TBC1D10C: variants seen among roughly 807,000 people sequenced by gnomAD.
TBC1D10C encodes TBC1 domain family member 10C, also known as carabin.
TBC1D10C carries 49 observed loss-of-function variants against 51.0 expected under a neutral mutation model. The ratio of observed to expected loss-of-function variants is 0.96; its 90% CI spans 0.76 to 1.22. The LOEUF (loss-of-function observed/expected upper bound fraction) is 1.22, where lower values mean the gene tolerates loss of function less well. TBC1D10C is among the 50% of genes most tolerant of loss of function. TBC1D10C has a pLI of 0.00. For missense variants in TBC1D10C, 541 were observed against 617.5 expected, an observed-to-expected ratio of 0.88 and a Z score of 1.31; for synonymous variants, 281 against 266.7, an observed-to-expected ratio of 1.05 and a Z score of -0.52.
At chr11:67,404,870 C>T (rs1863077286) in intron 1 of TBC1D10C, 1 of 556,710 alleles carries the variant, frequency 1.8e-6, no homozygotes, top group East Asian at 2.9e-5. Flanking sequence ...CACCCACTCA[C>T]CCCTTCAGTC....
At position 67,406,046 on chromosome 11, in the gene TBC1D10C, C is replaced by T. The variant is rs746389660; in HGVS notation, c.582+29C>T. On this transcript the variant is annotated intron_variant, in intron 5 of 8. Transcript: ENST00000542590. ...AGTGACCTTGACCCTGCTCTGGGAA[C>T]CCTAGTGACCTAGGCCCAGGGAACC... The T allele has an allele frequency of 4.7e-6, 7 of 1,504,446 alleles. No homozygotes were observed. The South Asian group carries it at 7.7e-5, about 16-fold the overall frequency. 93.2% of individuals were successfully genotyped at this position (1,504,446 alleles called of 1,614,324 possible).
At position 67,409,452 on chromosome 11, in the gene TBC1D10C, A is replaced by G; in HGVS notation, c.1039A>G (p.Lys347Glu). The change falls in exon 9 of 9, where the codon AAG becomes GAG. Residue 347 changes from lysine to glutamate, a missense_variant. Physicochemically the swap from Lys to Glu is moderately conservative, Grantham distance 56. Transcript: ENST00000542590. The part of the protein sequence containing the change: ...LSERDLQREI[K>E]AQLAQLPDSA... ...AGAGCGGGACCTGCAGCGGGAGATC[A>G]AGGCCCAGCTGGCCCAGCTGCCCGA... 6.5e-7 allele frequency: 1 copy of G among 1,549,254 alleles called. No individual in the cohort carries two copies. The highest frequency in any genetic ancestry group is 8.7e-7 in the Non-Finnish European group (1 of 1,146,596).
intron 4 of TBC1D10C, 28 bp downstream of exon 4, chr11:67,405,729 C>A (rs753834490): frequency 6.2e-7 from 1 of 1,611,290 alleles, no homozygotes; most frequent in Non-Finnish European, 8.5e-7. Flanking sequence ...CCCAGGGACC[C>A]CCAGCCCCAC....
intron 4 of TBC1D10C, 56 bp downstream of exon 4, chr11:67,405,757 G>T: frequency 6.2e-7 from 1 of 1,600,154 alleles, no homozygotes; most frequent in South Asian, 1.1e-5. Context: ...AGGTGCTCCA[G>T]CCCACTTTCC....
At chr11:67,404,980 C>G in intron 1 of TBC1D10C, 105 bp from the exon 2 acceptor site, 1 of 1,035,200 alleles carries the variant, frequency 9.7e-7, no homozygotes, top group Non-Finnish European at 1.4e-6. Flanking sequence ...TCCCAGAGAT[C>G]CCTAGGGCCA....
chr11:67,407,259 T>G lies in TBC1D10C; in HGVS notation c.838+243T>G, dbSNP rs918862498. The G allele has an allele frequency of 3.8e-5, 20 of 521,586 alleles. No homozygotes were observed. The Admixed American group carries it at 5.3e-4, about 14-fold the overall frequency. 32.3% of individuals were successfully genotyped at this position (521,586 alleles called of 1,614,324 possible). On this transcript the variant is annotated intron_variant, in intron 7 of 8. Coordinates refer to ENST00000542590, the MANE Select transcript of TBC1D10C (RefSeq NM_001369496.1). ...GCAGGAGCAGGGTGATCACAGCACA[T>G]GGAGGCCTGAGCTTCTCAGGGACAG...
At chr11:67,406,714 T>C in intron 6 of TBC1D10C, 22 bp downstream of exon 6, 2 of 1,577,186 alleles carry the variant, frequency 1.3e-6, no homozygotes, top group Non-Finnish European at 1.7e-6. Flanking sequence ...ACATGGGGGC[T>C]GGAGGAAGGA....
At chr11:67,405,552 C>G in intron 3 of TBC1D10C, 43 bp from the exon 4 acceptor site, 1 of 1,613,700 alleles carries the variant, frequency 6.2e-7, no homozygotes, top group Non-Finnish European at 8.5e-7. Context: ...CAGAGCCCCT[C>G]ACCACACTGA....
chr11:67,405,459 T>C lies in TBC1D10C; in HGVS notation c.313T>C (p.Leu105=), dbSNP rs1335557805. ...CCTGCGCGCCCGATGCTGGCCCCTG[T>C]TGTGTGGGGCCCATGTGTGCCAGAA... ...SALRARCWPL[L]CGAHVCQKNS... is the part of the protein sequence containing the mutation. The change falls in exon 3 of 9, where the codon TTG becomes CTG. Residue 105 remains leucine, a synonymous_variant. Transcript: ENST00000542590. The C allele has an allele frequency of 6.2e-7, 1 of 1,613,228 alleles. No individual in the cohort carries two copies. The highest frequency in any genetic ancestry group is 1.1e-5 in the South Asian group (1 of 91,058).
At position 67,409,914 on chromosome 11, in the gene TBC1D10C, T is replaced by A; in HGVS notation, c.*160T>A. The A allele has an allele frequency of 1.5e-6, 1 of 649,512 alleles. No individual in the cohort carries two copies. Among genetic ancestry groups the A allele is most frequent in the Non-Finnish European group, 2.6e-6 (1 of 388,016 alleles). The allele number at this position is 649,512 out of a possible 1,614,324, so 40.2% of individuals were successfully genotyped here. A position where few individuals can be genotyped will look rare whatever the true frequency, so the allele number is the denominator to read the frequency against. On this transcript the variant is annotated 3_prime_UTR_variant, in exon 9 of 9. Transcript: ENST00000542590. ...GGAGGAGGTCCTCCGTGGTACATAC[T>A]GGGTCAGGCACTAGCATGGAGGAGG...
In TBC1D10C at chr11:67,408,614, G is replaced by A. The variant is rs1003877771; in HGVS notation, c.839-365G>A. On this transcript the variant is annotated intron_variant, in intron 7 of 8. Coordinates refer to ENST00000542590, the MANE Select transcript of TBC1D10C (RefSeq NM_001369496.1). ...TGGAGGCCTGACTGGCTCAGGGAGG[G>A]TAGGAGGTGCTCCTCCCCGGAGCCC... The A allele has an allele frequency of 1.9e-5, 4 of 208,282 alleles. No homozygotes were observed. The Admixed American group carries it at 2.4e-4, about 13-fold the overall frequency. 12.9% of individuals were successfully genotyped at this position (208,282 alleles called of 1,614,324 possible). A position where few individuals can be genotyped will look rare whatever the true frequency, so the allele number is the denominator to read the frequency against.
rs747511276 is a variant in TBC1D10C at position 67,409,495 on chromosome 11, C to T, written c.1082C>T (p.Pro361Leu). 21 of 1,548,370 alleles carry T rather than the reference C, an allele frequency of 1.4e-5. No individual in the cohort carries two copies. In the East Asian group the frequency reaches 2.9e-4, roughly 22 times the overall value. ...AQLPDSAPGP[P>L]PRPQVRLAGA... is the part of the protein sequence containing the mutation. ...CTGCCCGATTCCGCGCCGGGACCCC[C>T]GCCCCGGCCACAGGTCCGCCTCGCC... is the stretch of plus-strand genomic sequence containing the variant. Residue 361 changes from proline to leucine, a missense_variant, in exon 9 of 9, where the codon CCG (proline) becomes CTG (leucine). Transcript: ENST00000542590.
chr11:67,405,479 C>G lies in TBC1D10C; in HGVS notation c.333C>G (p.Cys111Trp), dbSNP rs1017323463. The change falls in exon 3 of 9, where the codon TGC becomes TGG. Residue 111 changes from cysteine to tryptophan, a missense_variant. Transcript: ENST00000542590. Reference sequence around the variant, plus strand: ...CCCTGTTGTGTGGGGCCCATGTGTGCCAGAAGAACAGCCCTGGCACCTATC... The same window carrying G: ...CCCTGTTGTGTGGGGCCCATGTGTGGCAGAAGAACAGCCCTGGCACCTATC... ...CWPLLCGAHV[C>W]QKNSPGTYQE... The G allele has an allele frequency of 2.5e-6, 4 of 1,613,176 alleles. No individual in the cohort carries two copies. Among genetic ancestry groups the G allele is most frequent in the Non-Finnish European group, 3.4e-6 (4 of 1,179,848 alleles).
At chr11:67,405,782 C>T (rs1016050197) in intron 4 of TBC1D10C, 81 bp downstream of exon 4, 13 of 1,571,142 alleles carry the variant, frequency 8.3e-6, no homozygotes, top group Admixed American at 1.8e-5. Context: ...CCCAGCTCTA[C>T]AGTCTTGCAT....
chr11:67,406,226 C>T, intron 5 of TBC1D10C: 2 of 533,694 alleles, frequency 3.7e-6, no homozygotes. Context: ...AGCCTTGACC[C>T]CAGTCATCTA....
Position 67,409,853 on chromosome 11 carries a change from T to C in TBC1D10C, c.*99T>C. 1 of 1,110,590 alleles carries C rather than the reference T, an allele frequency of 9.0e-7. No homozygotes were observed. Among genetic ancestry groups the C allele is most frequent in the Non-Finnish European group, 1.3e-6 (1 of 794,422 alleles). 68.8% of individuals were successfully genotyped at this position (1,110,590 alleles called of 1,614,324 possible). A position where few individuals can be genotyped will look rare whatever the true frequency, so the allele number is the denominator to read the frequency against. On this transcript the variant is annotated 3_prime_UTR_variant, in exon 9 of 9. Transcript: ENST00000542590. ...ACTTTACTCTTGGGACTCGGGGACT[T>C]GGCTTCCTTCCTGGCAAGGACCAGG...
At position 67,408,856 on chromosome 11, in the gene TBC1D10C, G is replaced by A. The variant is rs149982586; in HGVS notation, c.839-123G>A. On this transcript the variant is annotated intron_variant, in intron 7 of 8. Coordinates refer to ENST00000542590, the MANE Select transcript of TBC1D10C (RefSeq NM_001369496.1). ...AAATGCAACTCCACCCTCTGTCATTGTTCCTGAACCGGGGAGGGCAGAGCT... is the reference window on the plus strand; with the variant it reads ...AAATGCAACTCCACCCTCTGTCATTATTCCTGAACCGGGGAGGGCAGAGCT... 4.9e-3 allele frequency: 6,437 copies of A among 1,305,354 alleles called. 28 individuals carry two copies. The highest frequency in any genetic ancestry group is 8.5e-3 in the Middle Eastern group (31 of 3,658). The allele number at this position is 1,305,354 out of a possible 1,614,324, so 80.9% of individuals were successfully genotyped here. A position where few individuals can be genotyped will look rare whatever the true frequency, so the allele number is the denominator to read the frequency against.
At chr11:67,404,439 G>T (rs1863057806) in intron 1 of TBC1D10C, 85 bp downstream of exon 1, 9 of 1,403,548 alleles carry the variant, frequency 6.4e-6, no homozygotes, top group Admixed American at 2.5e-5. Context: ...GGCCGGGAGG[G>T]TCTGGTGGTA....
At chr11:67,405,744 C>A (rs758611393) in intron 4 of TBC1D10C, 43 bp downstream of exon 4, 2 of 1,605,700 alleles carry the variant, frequency 1.2e-6, no homozygotes, top group Non-Finnish European at 1.7e-6. Flanking sequence ...CCCCACAAGC[C>A]CCAGGTGCTC....
Sources: allele counts gnomAD v4.1 joint callset, GRCh38; gene constraint gnomAD v4.1.1; transcripts MANE v1.5; gene names NCBI Gene and HGNC (gene_info 2026-07-23, HGNC 2026-07-21).